MAP3K19: variants seen among roughly 807,000 people sequenced by gnomAD.
The protein encoded by MAP3K19 is mitogen-activated protein kinase kinase kinase 19, also known as SPS1/STE20-related protein kinase YSK4.
Under a neutral mutation model 114.4 loss-of-function variants are expected in MAP3K19, and 91 were observed. That is an observed-to-expected ratio of 0.80 (90% CI 0.67 to 0.95). The LOEUF (loss-of-function observed/expected upper bound fraction) is 0.95. MAP3K19 is among the 40% of genes least tolerant of loss of function. The pLI is 0.00. For synonymous variants in MAP3K19, 518 were observed against 530.5 expected (o/e 0.98, Z 0.32); for missense variants, 1,471 against 1,573.2 (o/e 0.94, Z 1.10).
intron 1 of MAP3K19, among the ~76,000 whole-genome samples, chr2:135,041,649 A>G (rs1241609339): frequency 1.3e-5 from 2 of 152,120 alleles, no homozygotes; most frequent in African/African-American, 4.8e-5. Context: ...TGCTGTTAGT[A>G]ACAGCACGAC....
Position 134,998,915 on chromosome 2 carries a change from T to C in MAP3K19, c.397A>G (p.Lys133Glu). The C allele has an allele frequency of 6.2e-7, 1 of 1,614,162 alleles. No individual in the cohort carries two copies. The highest frequency in any genetic ancestry group is 8.5e-7 in the Non-Finnish European group (1 of 1,180,020). The change falls in exon 8 of 13, where the codon AAA (lysine) becomes GAA (glutamate). Residue 133 changes from lysine to glutamate, a missense_variant. Physicochemically the swap from Lys to Glu is moderately conservative, Grantham distance 56. Coordinates refer to ENST00000392915, the MANE Select transcript of MAP3K19 (RefSeq NM_025052.5). ...AAGGGCCGCATGGTCAGCTTCTTTT[T>C]CCTGAGCTCCACCGTTTCTATTTCA... Reference protein sequence around the residue: ...PNEIETVELRKKKLTMRPLVL... With the variant: ...PNEIETVELREKKLTMRPLVL...
chr2:135,026,503 C>CTT (rs11379095), intron 3 of MAP3K19, among the ~76,000 whole-genome samples: 1 of 150,898 alleles, frequency 6.6e-6, no homozygotes, highest in African/African-American at 2.4e-5. Flanking sequence ...CTCCCTCCTC[C>CTT]TTTTTTTTTC....
intron 5 of MAP3K19, among the ~76,000 whole-genome samples, chr2:135,006,801 C>A (rs1157190610): frequency 6.7e-6 from 1 of 148,644 alleles, no homozygotes. Context: ...CAGAGTGAGA[C>A]CCTGTCAAAA....
chr2:134,985,291 A>AT (rs1397985500), intron 10 of MAP3K19, among the ~76,000 whole-genome samples: 1 of 152,218 alleles, frequency 6.6e-6, no homozygotes, highest in Non-Finnish European at 1.5e-5. Flanking sequence ...ATCAATAATA[A>AT]TTTTGCATTA....
At chr2:135,029,332 C>T (rs530769184) in intron 3 of MAP3K19, among the ~76,000 whole-genome samples, 5 of 152,006 alleles carry the variant, frequency 3.3e-5, no homozygotes, top group East Asian at 1.9e-4. Context: ...GCCGAGATCG[C>T]GCCACTGCAC....
Position 134,986,478 on chromosome 2 carries a change from C to T in MAP3K19, c.2394G>A (p.Gln798=). 6.2e-7 allele frequency: 1 copy of T among 1,614,136 alleles called. No homozygotes were observed. The highest frequency in any genetic ancestry group is 8.5e-7 in the Non-Finnish European group (1 of 1,180,018). ...AATCTGAGACAGGAGGGAATTCATT[C>T]TGTTTCATGGACTGCTCAGGTGTCT... The part of the protein sequence containing the change: ...LAQTPEQSMK[Q]NEFPPVSDLS... Residue 798 remains glutamine (Q), a synonymous_variant, in exon 10 of 13, where the codon CAG becomes CAA. Coordinates refer to ENST00000392915, the MANE Select transcript of MAP3K19 (RefSeq NM_025052.5).
rs562234530 is a variant in MAP3K19 at position 134,984,813 on chromosome 2, G to A, written c.3072+987C>T. ...CTAAAAATACAAAAATTATCCAGGC[G>A]TGGTGGTGAGTGCCTGTAATCCCAG... On this transcript the variant is annotated intron_variant, in intron 10 of 12. Transcript: ENST00000392915. 3.9e-5 allele frequency among the ~76,000 whole-genome samples: 6 copies of A among 152,144 alleles called. No homozygotes were observed. In the South Asian group the frequency reaches 6.2e-4, roughly 16 times the overall value.
chr2:134,992,964 C>T (rs1000875352), intron 8 of MAP3K19, among the ~76,000 whole-genome samples: 3 of 152,182 alleles, frequency 2.0e-5, no homozygotes, highest in African/African-American at 7.2e-5. Context: ...CAGGTGTGAG[C>T]CACCGCGCCC....
chr2:135,024,547 A>G, intron 4 of MAP3K19, 79 bp downstream of exon 4: 9 of 1,299,018 alleles, frequency 6.9e-6, no homozygotes, highest in Non-Finnish European at 1.0e-5. Flanking sequence ...TGGATCCATC[A>G]AACAGATGTA....
chr2:135,034,259 G>A lies in MAP3K19; in HGVS notation c.-283-3759C>T, dbSNP rs1688471574. ...ACTTCCTAGATGGGATGGCGGCCGG[G>A]CAGAGACGCCCCTCACTTCCCAGAC... On this transcript the variant is annotated intron_variant, in intron 2 of 12. Coordinates refer to ENST00000392915, the MANE Select transcript of MAP3K19 (RefSeq NM_025052.5). Among the ~76,000 whole-genome samples the A allele has an allele frequency of 1.5e-5, 2 of 130,126 alleles. 1 individual carries two copies. Among genetic ancestry groups the A allele is most frequent in the South Asian group, 5.8e-4 (2 of 3,462 alleles). 85.4% of individuals were successfully genotyped at this position (130,126 alleles called of 152,430 possible). A position where few individuals can be genotyped will look rare whatever the true frequency, so the allele number is the denominator to read the frequency against.
At chr2:135,014,648 G>T (rs955069673) in intron 5 of MAP3K19, among the ~76,000 whole-genome samples, 1 of 152,180 alleles carries the variant, frequency 6.6e-6, no homozygotes, top group African/African-American at 2.4e-5. Flanking sequence ...CAATACATTT[G>T]TGTATCCAGG....
At chr2:135,011,208 G>C (rs1184653808) in intron 5 of MAP3K19, among the ~76,000 whole-genome samples, 1 of 152,008 alleles carries the variant, frequency 6.6e-6, no homozygotes, top group Non-Finnish European at 1.5e-5. Context: ...ACTTTATTTC[G>C]GCTACAATAA....
At chr2:135,044,806 T>C (rs949281813) in intron 1 of MAP3K19, among the ~76,000 whole-genome samples, 1 of 152,212 alleles carries the variant, frequency 6.6e-6, no homozygotes, top group Non-Finnish European at 1.5e-5. Context: ...GAACCCAATC[T>C]AATGTGCCTG....
At chr2:135,037,897 T>C (rs1688566359) in intron 2 of MAP3K19, among the ~76,000 whole-genome samples, 3 of 152,216 alleles carry the variant, frequency 2.0e-5, no homozygotes, top group South Asian at 2.1e-4. Context: ...AATGCTATTG[T>C]TATGAATAAA....
chr2:134,991,542 T>C lies in MAP3K19; in HGVS notation c.613A>G (p.Ile205Val), dbSNP rs1264722773. The change falls in exon 9 of 13, where the codon ATC becomes GTC. Residue 205 changes from isoleucine to valine, a missense_variant. Ile to Val is a conservative substitution (Grantham distance 29). Coordinates refer to ENST00000392915, the MANE Select transcript of MAP3K19 (RefSeq NM_025052.5). ...AATGCTAGCACTAATCTTACCTTGATGCTTCGGCCACTGTACTTCATATGA... is the reference window on the plus strand; with the variant it reads ...AATGCTAGCACTAATCTTACCTTGACGCTTCGGCCACTGTACTTCATATGA... The part of the protein sequence containing the change: ...TSHMKYSGRS[I>V]KFLLPPLSLL... 5 of 1,613,554 alleles carry C rather than the reference T, an allele frequency of 3.1e-6. No individual in the cohort carries two copies. The South Asian group carries it at 3.3e-5, about 11-fold the overall frequency.
intron 5 of MAP3K19, among the ~76,000 whole-genome samples, chr2:135,020,454 C>T (rs1034887532): frequency 1.3e-5 from 2 of 152,114 alleles, no homozygotes; most frequent in African/African-American, 4.8e-5. Flanking sequence ...CAAGTAGCTG[C>T]GACTACAGGC....
chr2:135,007,297 T>G (rs544116795), intron 5 of MAP3K19, among the ~76,000 whole-genome samples: 2 of 152,356 alleles, frequency 1.3e-5, no homozygotes, highest in African/African-American at 4.8e-5. Flanking sequence ...GTTTTTTAAT[T>G]TTTATGGGTA....
chr2:135,040,111 G>C (rs1345758413), intron 2 of MAP3K19, among the ~76,000 whole-genome samples: 1 of 152,160 alleles, frequency 6.6e-6, no homozygotes, highest in Admixed American at 6.5e-5. Context: ...ATCTGTGTTT[G>C]ATTCACATCC....
chr2:135,008,210 C>T (rs929534254), intron 5 of MAP3K19, among the ~76,000 whole-genome samples: 1 of 151,996 alleles, frequency 6.6e-6, no homozygotes, highest in Non-Finnish European at 1.5e-5. Context: ...GCAACCTCCA[C>T]CTCCCGGGTT....
Sources: allele counts gnomAD v4.1 joint callset (sites outside exome capture counted in the v4.1 genomes callset), GRCh38; gene constraint gnomAD v4.1.1; transcripts MANE v1.5; gene names NCBI Gene and HGNC (gene_info 2026-07-23, HGNC 2026-07-21).